TMPRSS11A: variants seen among roughly 807,000 people sequenced by gnomAD.
TMPRSS11A encodes transmembrane serine protease 11A.
A neutral mutation model predicts 58.9 loss-of-function variants in TMPRSS11A; 53 were observed. The observed-to-expected ratio is 0.90, with a 90% CI of 0.72 to 1.13. TMPRSS11A has a LOEUF of 1.13. Among genes scored for constraint, TMPRSS11A ranks in the 50% most tolerant of loss-of-function variants. The pLI is 0.00. For synonymous variants in TMPRSS11A, 167 were observed against 169.8 expected, an observed-to-expected ratio of 0.98 and a Z score of 0.13; for missense variants, 493 against 499.3, an observed-to-expected ratio of 0.99 and a Z score of 0.12.
chr4:67,952,997 G>T (rs529246090), intron 1 of TMPRSS11A, among the ~76,000 whole-genome samples: 22 of 152,272 alleles, frequency 1.4e-4, no homozygotes, highest in Admixed American at 1.4e-3. Flanking sequence ...GGTAGGGGGG[G>T]TGGTTTGGTA....
At chr4:67,948,231 T>TC in intron 1 of TMPRSS11A, among the ~76,000 whole-genome samples, 1 of 146,326 alleles carries the variant, frequency 6.8e-6, no homozygotes, top group East Asian at 2.0e-4. Flanking sequence ...TGATCTCTGC[T>TC]CACTGCAAGC....
chr4:67,913,785 G>A (rs1479734639), intron 9 of TMPRSS11A, among the ~76,000 whole-genome samples: 1 of 152,200 alleles, frequency 6.6e-6, no homozygotes. Flanking sequence ...CGCACATGTG[G>A]TACAGTTTGT....
intron 2 of TMPRSS11A, among the ~76,000 whole-genome samples, chr4:67,944,859 A>T (rs537483830): frequency 6.6e-6 from 1 of 152,278 alleles, no homozygotes; most frequent in Admixed American, 6.5e-5. Flanking sequence ...TTTATGTATT[A>T]GCCCATTTAA....
chr4:67,944,559 G>T lies in TMPRSS11A; in HGVS notation c.212C>A (p.Thr71Lys). The change falls in exon 3 of 10, where the codon ACA (threonine) becomes AAA (lysine). Residue 71 changes from threonine (T) to lysine (K), a missense_variant. Physicochemically the swap from Thr to Lys is moderately conservative, Grantham distance 78 (BLOSUM62 -1). Transcript: ENST00000508048. The stretch of plus-strand genomic sequence containing the variant: ...CTCTCGTAAGTCCTTAAGTTGATAT[G>T]TGTTGCTTTGTCCGAAATTGTTATT... Reference protein sequence around the residue: ...QINNNFGQSNTYQLKDLRETT... With the variant: ...QINNNFGQSNKYQLKDLRETT... 1 of 1,613,070 alleles carries T rather than the reference G, an allele frequency of 6.2e-7. No homozygotes were observed. The highest frequency in any genetic ancestry group is 1.3e-5 in the African/African-American group (1 of 74,980).
intron 3 of TMPRSS11A, among the ~76,000 whole-genome samples, chr4:67,938,818 A>C (rs950830283): frequency 6.7e-6 from 1 of 150,110 alleles, no homozygotes; most frequent in African/African-American, 2.4e-5. Flanking sequence ...GTAGCCTTAA[A>C]GTATAGTTTG....
chr4:67,946,648 C>G, intron 1 of TMPRSS11A, 77 bp from the exon 2 acceptor site: 3 of 1,438,354 alleles, frequency 2.1e-6, no homozygotes, highest in Non-Finnish European at 2.8e-6. Context: ...TAGACAAGTT[C>G]AAGTTGCTGT....
intron 1 of TMPRSS11A, among the ~76,000 whole-genome samples, chr4:67,959,055 C>T (rs1002615302): frequency 1.2e-4 from 19 of 152,238 alleles, no homozygotes; most frequent in East Asian, 3.9e-4. Flanking sequence ...TTGTAAATTG[C>T]GCAGTCTCAG....
intron 1 of TMPRSS11A, among the ~76,000 whole-genome samples, chr4:67,957,453 T>C (rs1402572256): frequency 6.6e-6 from 1 of 152,166 alleles, no homozygotes; most frequent in East Asian, 1.9e-4. Flanking sequence ...GTGACGCTTG[T>C]TATGTTTTAG....
chr4:67,950,189 T>C (rs1414081225), intron 1 of TMPRSS11A, among the ~76,000 whole-genome samples: 1 of 152,218 alleles, frequency 6.6e-6, no homozygotes, highest in African/African-American at 2.4e-5. Context: ...AAGGCTTTGA[T>C]TGGGCCTGCT....
intron 7 of TMPRSS11A, among the ~76,000 whole-genome samples, chr4:67,919,826 G>T (rs353162): frequency 0.09 from 13,677 of 152,076 alleles, 800 homozygotes; most frequent in African/African-American, 0.16. Context: ...TGGGTTGGAT[G>T]GGCTGCAGTC....
At chr4:67,917,610 A>T (rs1321714196) in intron 8 of TMPRSS11A, among the ~76,000 whole-genome samples, 1 of 152,208 alleles carries the variant, frequency 6.6e-6, no homozygotes, top group Non-Finnish European at 1.5e-5. Context: ...TATTTAATAG[A>T]TTAAAAGCAC....
intron 9 of TMPRSS11A, among the ~76,000 whole-genome samples, chr4:67,914,309 C>G (rs1720086721): frequency 6.6e-6 from 1 of 150,882 alleles, no homozygotes; most frequent in African/African-American, 2.5e-5. Flanking sequence ...TATTTTCTTT[C>G]TTGAATGTGA....
At chr4:67,917,862 G>A (rs1416175886) in intron 8 of TMPRSS11A, among the ~76,000 whole-genome samples, 1 of 152,152 alleles carries the variant, frequency 6.6e-6, no homozygotes, top group Admixed American at 6.5e-5. Context: ...CAGACCTAGG[G>A]AGGTGTCAGG....
chr4:67,939,240 G>A (rs1167764189), intron 3 of TMPRSS11A, among the ~76,000 whole-genome samples: 4 of 152,072 alleles, frequency 2.6e-5, no homozygotes, highest in Non-Finnish European at 4.4e-5. Flanking sequence ...GTTTAGAAAT[G>A]CTACTGAATT....
chr4:67,934,909 T>C (rs1184151787), intron 3 of TMPRSS11A, among the ~76,000 whole-genome samples: 1 of 152,148 alleles, frequency 6.6e-6, no homozygotes, highest in African/African-American at 2.4e-5. Context: ...CTCAGATAGA[T>C]ATGTCACTGC....
At chr4:67,947,630 A>G (rs932004655) in intron 1 of TMPRSS11A, among the ~76,000 whole-genome samples, 1 of 152,188 alleles carries the variant, frequency 6.6e-6, no homozygotes, top group Non-Finnish European at 1.5e-5. Context: ...TGTGTATTTT[A>G]TATTGCATCA....
intron 7 of TMPRSS11A, among the ~76,000 whole-genome samples, chr4:67,921,803 A>ATAT (rs1283379742): frequency 6.6e-6 from 1 of 152,202 alleles, no homozygotes; most frequent in African/African-American, 2.4e-5. Context: ...TGCCTGGGAC[A>ATAT]TATTTTTCCC....
intron 1 of TMPRSS11A, 110 bp from the exon 2 acceptor site, chr4:67,946,681 G>T (rs1296051206): frequency 2.3e-5 from 27 of 1,149,628 alleles, no homozygotes; most frequent in Non-Finnish European, 1.7e-5. Context: ...CCTGCAAAAA[G>T]GTCTTTAATT....
chr4:67,961,470 TCCTTTTCTTTTC>T (rs1721417275), intron 1 of TMPRSS11A, among the ~76,000 whole-genome samples: 1 of 147,742 alleles, frequency 6.8e-6, no homozygotes, highest in East Asian at 2.0e-4. Context: ...TTCTTTCCTT[TCCTTTTCTTTTC>T]CTTTTTTTTT....
Sources: gnomAD v4.1 joint callset for allele counts (sites outside exome capture counted in the v4.1 genomes callset) on GRCh38, gnomAD v4.1.1 for gene constraint, MANE v1.5 for transcripts, NCBI Gene and HGNC (gene_info 2026-07-23, HGNC 2026-07-21) for gene names.